DNAJC6: variants seen among roughly 807,000 people sequenced by gnomAD.
The protein encoded by DNAJC6 is DnaJ heat shock protein family (Hsp40) member C6, also known as auxilin.
Under a neutral mutation model 110.0 loss-of-function variants are expected in DNAJC6, and 34 were observed. The observed-to-expected ratio is 0.31, with a 90% confidence interval of 0.24 to 0.41. The LOEUF is 0.41. Among genes scored for constraint, DNAJC6 ranks in the 10% least tolerant of loss-of-function variants. The pLI, the probability that DNAJC6 is intolerant of heterozygous loss-of-function variation, is 1.00. For missense variants in DNAJC6, 1,031 were observed against 1,207.8 expected (o/e 0.85, Z 2.17); for synonymous variants, 406 against 437.2 (o/e 0.93, Z 0.89).
chr1:65,355,482 A>G (rs1379479676), intron 1 of DNAJC6, among the ~76,000 whole-genome samples: 1 of 152,124 alleles, frequency 6.6e-6, no homozygotes, highest in East Asian at 1.9e-4. Flanking sequence ...GGAGCCTTCC[A>G]TGGATGCTAC....
At chr1:65,289,640 C>G (rs1374881555) in intron 1 of DNAJC6, among the ~76,000 whole-genome samples, 6 of 152,072 alleles carry the variant, frequency 3.9e-5, no homozygotes, top group Non-Finnish European at 7.4e-5. Flanking sequence ...TGATTATGAC[C>G]AGCACTTTTA....
At chr1:65,410,443 C>T (rs554827777) in intron 17 of DNAJC6, among the ~76,000 whole-genome samples, 22 of 152,278 alleles carry the variant, frequency 1.4e-4, no homozygotes, top group African/African-American at 4.3e-4. Flanking sequence ...GTTCATTAGG[C>T]AAATTCGGAC....
chr1:65,302,457 A>G (rs1455624880), intron 1 of DNAJC6, among the ~76,000 whole-genome samples: 1 of 146,166 alleles, frequency 6.8e-6, no homozygotes, highest in Non-Finnish European at 1.5e-5. Flanking sequence ...TGCCATTACT[A>G]TGGGAGTGCA....
intron 1 of DNAJC6, among the ~76,000 whole-genome samples, chr1:65,294,581 A>G (rs893727821): frequency 6.6e-6 from 1 of 152,216 alleles, no homozygotes; most frequent in African/African-American, 2.4e-5. Context: ...TGGCTAGTCC[A>G]ATTGAGATGT....
At chr1:65,378,306 C>T (rs901546391) in intron 4 of DNAJC6, among the ~76,000 whole-genome samples, 2 of 122,230 alleles carry the variant, frequency 1.6e-5, no homozygotes, top group Non-Finnish European at 3.1e-5. Flanking sequence ...TATAATCTGG[C>T]CCTTCAGTCT....
intron 15 of DNAJC6, among the ~76,000 whole-genome samples, chr1:65,404,982 G>A (rs1355539038): frequency 3.3e-5 from 5 of 152,004 alleles, no homozygotes; most frequent in Non-Finnish European, 7.4e-5. Flanking sequence ...ACTCTAAAGA[G>A]CTATATAAAT....
intron 1 of DNAJC6, among the ~76,000 whole-genome samples, chr1:65,278,223 A>T (rs1057240858): frequency 1.3e-5 from 2 of 152,006 alleles, no homozygotes; most frequent in African/African-American, 4.8e-5. Context: ...AGCTCCGTTC[A>T]TTTACTCATT....
rs937085432 is a variant in DNAJC6 at position 65,413,019 on chromosome 1, A to T, written c.2907A>T (p.Leu969Phe). Residue 969 changes from leucine to phenylalanine, a missense_variant, in exon 19 of 19, where the codon TTA becomes TTT. By Grantham distance (22) the Leu-to-Phe change is conservative (BLOSUM62 0). Coordinates refer to ENST00000371069, the MANE Select transcript of DNAJC6 (RefSeq NM_001256864.2). ...TTGAAAACCAAGGCCAAAAGCCCTT[A>T]TATTAATTTATGAGCTTTTCCATCT... ...SEFENQGQKP[L>F]Y 3 of 1,613,534 alleles carry T rather than the reference A, an allele frequency of 1.9e-6. No individual in the cohort carries two copies. In the African/African-American group the frequency reaches 4.0e-5, roughly 22 times the overall value.
At chr1:65,281,438 G>T (rs1653840543) in intron 1 of DNAJC6, among the ~76,000 whole-genome samples, 1 of 151,860 alleles carries the variant, frequency 6.6e-6, no homozygotes, top group African/African-American at 2.4e-5. Flanking sequence ...CCTCCCCCTA[G>T]CCCCTGGCAA....
intron 1 of DNAJC6, among the ~76,000 whole-genome samples, chr1:65,287,492 TTA>T (rs1654059037): frequency 1.3e-5 from 2 of 152,220 alleles, no homozygotes; most frequent in African/African-American, 4.8e-5. Context: ...TTCATTTATT[TTA>T]TCTTTTTAGA....
At chr1:65,308,996 T>C (rs535361542), upstream of DNAJC6, among the ~76,000 whole-genome samples, 3 of 152,348 alleles carry the variant, frequency 2.0e-5, no homozygotes, top group Admixed American at 1.3e-4. Flanking sequence ...AGCATAGATA[T>C]ATTCTGGCAC....
chr1:65,335,413 C>T (rs537836564), intron 1 of DNAJC6, among the ~76,000 whole-genome samples: 1 of 152,042 alleles, frequency 6.6e-6, no homozygotes, highest in South Asian at 2.1e-4. Context: ...CAGGCCCAGC[C>T]TATGTCTGTC....
At chr1:65,371,782 G>A (rs903951268) in intron 4 of DNAJC6, among the ~76,000 whole-genome samples, 1 of 152,182 alleles carries the variant, frequency 6.6e-6, no homozygotes, top group African/African-American at 2.4e-5. Flanking sequence ...AAGCCCAGGA[G>A]ATGTTCAAGG....
rs114646008 is a variant in DNAJC6, at chr1:65,272,169, T to G, written c.-131+7237T>G. ...GGAAAAGCTATCACATTTTCACCAT[T>G]AAGTACAACATTTGATGTGGGATTT... On this transcript the variant is annotated intron_variant, in intron 1 of 19. Transcript: ENST00000263441. 2.3e-3 allele frequency among the ~76,000 whole-genome samples: 355 copies of G among 152,330 alleles called. 1 individual carries two copies. Among genetic ancestry groups the G allele is most frequent in the African/African-American group, 8.1e-3 (335 of 41,568 alleles).
intron 1 of DNAJC6, among the ~76,000 whole-genome samples, chr1:65,267,099 C>G (rs1977349): frequency 0.75 from 113,955 of 151,926 alleles, 43,421 homozygotes; most frequent in East Asian, 0.98. Context: ...GTTTCACCAT[C>G]TTGGCCAGGC....
rs574451478 is a variant in DNAJC6, at chr1:65,336,605, A to G, written c.193+26667A>G. On this transcript the variant is annotated intron_variant, in intron 1 of 18. Transcript: ENST00000371069. Reference sequence around the variant, plus strand: ...TCTAAAGCTGTTCTTGCCCCTCTGGATTATTGTGAAGTAGATCCCAGCCAT... The same window carrying G: ...TCTAAAGCTGTTCTTGCCCCTCTGGGTTATTGTGAAGTAGATCCCAGCCAT... Among the ~76,000 whole-genome samples, 7 of 152,274 alleles carry G rather than the reference A, an allele frequency of 4.6e-5. No individual in the cohort carries two copies. In the South Asian group the frequency reaches 1.0e-3, roughly 23 times the overall value.
At chr1:65,273,503 G>A (rs973549706) in intron 1 of DNAJC6, among the ~76,000 whole-genome samples, 2 of 152,090 alleles carry the variant, frequency 1.3e-5, no homozygotes, top group Non-Finnish European at 2.9e-5. Flanking sequence ...GGAGGCTGAG[G>A]CAGAATTGCT....
intron 1 of DNAJC6, among the ~76,000 whole-genome samples, chr1:65,360,888 C>T (rs961493618): frequency 6.6e-6 from 1 of 152,050 alleles, no homozygotes; most frequent in African/African-American, 2.4e-5. Context: ...GGATATCTGC[C>T]GCTGAGAGCA....
At chr1:65,410,600 T>G (rs1223290626) in intron 17 of DNAJC6, among the ~76,000 whole-genome samples, 1 of 152,238 alleles carries the variant, frequency 6.6e-6, no homozygotes, top group Non-Finnish European at 1.5e-5. Flanking sequence ...TGAACTCCTG[T>G]TAGGTACTCA....
Sources: allele counts gnomAD v4.1 joint callset (sites outside exome capture counted in the v4.1 genomes callset), GRCh38; gene constraint gnomAD v4.1.1; transcripts MANE v1.5; gene names NCBI Gene and HGNC (gene_info 2026-07-23, HGNC 2026-07-21).